The following NTRK2 variants were observed in gnomAD, a reference collection of about 807,000 sequenced individuals.
NTRK2 encodes BDNF/NT-3 growth factors receptor.
Under a neutral mutation model 94.5 loss-of-function variants are expected in NTRK2, and 13 were observed. The ratio of observed to expected loss-of-function variants is 0.14; its 90% CI spans 0.09 to 0.22. NTRK2 has a LOEUF of 0.22. Ranked by LOEUF, NTRK2 falls within the 10% of genes least tolerant of loss-of-function variation. NTRK2 has a pLI of 1.00. For missense variants in NTRK2, 639 were observed against 1,071.2 expected (o/e 0.60, Z 5.63); for synonymous variants, 372 against 407.4 (o/e 0.91, Z 1.05).
intron 14 of NTRK2, among the ~76,000 whole-genome samples, chr9:84,931,142 C>G (rs1019063903): frequency 2.0e-5 from 3 of 152,190 alleles, no homozygotes; most frequent in African/African-American, 7.2e-5. Flanking sequence ...CACGGTGGCT[C>G]ACACCTGTAA....
At chr9:85,004,035 G>GAAAGAAAGAAAAGAA (rs1564542151) in intron 17 of NTRK2, among the ~76,000 whole-genome samples, 1 of 69,378 alleles carries the variant, frequency 1.4e-5, no homozygotes, top group Non-Finnish European at 2.8e-5. Flanking sequence ...GAAAGAAAGA[G>GAAAGAAAGAAAAGAA]AGAAAGAAAG....
intron 11 of NTRK2, among the ~76,000 whole-genome samples, chr9:84,749,896 C>A (rs868415682): frequency 6.6e-6 from 1 of 152,186 alleles, no homozygotes; most frequent in Non-Finnish European, 1.5e-5. Flanking sequence ...GCTGCAGTAA[C>A]AAAACCTCCA....
At chr9:84,813,253 A>C in intron 12 of NTRK2, 1 of 1,045,360 alleles carries the variant, frequency 9.6e-7, no homozygotes, top group Non-Finnish European at 1.2e-6. Flanking sequence ...CACTGTCCCC[A>C]GCCGCAGCCA....
chr9:84,806,811 T>C (rs1429182490), intron 12 of NTRK2, among the ~76,000 whole-genome samples: 1 of 152,252 alleles, frequency 6.6e-6, no homozygotes, highest in African/African-American at 2.4e-5. Context: ...CACTTTGTGA[T>C]GGAAAGTTTT....
At chr9:84,729,494 A>G (rs1319474038) in intron 9 of NTRK2, among the ~76,000 whole-genome samples, 1 of 152,180 alleles carries the variant, frequency 6.6e-6, no homozygotes, top group Non-Finnish European at 1.5e-5. Context: ...ATCCAGAGAC[A>G]CTGATTTAGG....
intron 15 of NTRK2, among the ~76,000 whole-genome samples, chr9:84,934,726 G>T (rs905724225): frequency 3.3e-5 from 5 of 152,110 alleles, no homozygotes; most frequent in Admixed American, 3.3e-4. Context: ...TCCCCTCTCA[G>T]CCTCTGTGCC....
At chr9:84,775,847 AC>A (rs1564244983) in intron 12 of NTRK2, among the ~76,000 whole-genome samples, 1 of 152,168 alleles carries the variant, frequency 6.6e-6, no homozygotes, top group Non-Finnish European at 1.5e-5. Flanking sequence ...TCCCAGACCT[AC>A]TGAATTCAAA....
intron 17 of NTRK2, among the ~76,000 whole-genome samples, chr9:84,965,973 G>A (rs994987479): frequency 6.6e-5 from 10 of 152,142 alleles, no homozygotes; most frequent in African/African-American, 2.2e-4. Flanking sequence ...CTACAGAGAC[G>A]TGAAAAACAC....
intron 14 of NTRK2, among the ~76,000 whole-genome samples, chr9:84,909,635 T>C (rs1200244683): frequency 6.6e-6 from 1 of 152,176 alleles, no homozygotes; most frequent in East Asian, 1.9e-4. Context: ...CTGATAGGTA[T>C]GTAAGATGTC....
At chr9:84,948,000 C>A in intron 15 of NTRK2, among the ~76,000 whole-genome samples, 1 of 152,216 alleles carries the variant, frequency 6.6e-6, no homozygotes, top group East Asian at 1.9e-4. Context: ...CTGTGCAGTG[C>A]TACATAAAGA....
chr9:85,000,746 A>G (rs1001404211), intron 17 of NTRK2, among the ~76,000 whole-genome samples: 2 of 152,260 alleles, frequency 1.3e-5, no homozygotes, highest in Non-Finnish European at 2.9e-5. Flanking sequence ...TTCTGTGGAC[A>G]TAAGTTTTCA....
intron 14 of NTRK2, among the ~76,000 whole-genome samples, chr9:84,907,435 C>T (rs2077104585): frequency 6.6e-6 from 1 of 152,180 alleles, no homozygotes; most frequent in Non-Finnish European, 1.5e-5. Context: ...CTTTGGTTCC[C>T]TATTATTACC....
intron 2 of NTRK2, among the ~76,000 whole-genome samples, chr9:84,673,712 C>T (rs984423634): frequency 5.9e-5 from 9 of 152,116 alleles, no homozygotes; most frequent in African/African-American, 2.2e-4. Flanking sequence ...TTTTTACATG[C>T]ATGCTTTCAG....
At chr9:84,808,904 A>T (rs1234181820) in intron 12 of NTRK2, among the ~76,000 whole-genome samples, 1 of 152,178 alleles carries the variant, frequency 6.6e-6, no homozygotes. Context: ...GGCAGACCAG[A>T]CACCAGGTGG....
At chr9:84,815,211 A>G (rs1227139232) in intron 12 of NTRK2, 1 of 1,056,416 alleles carries the variant, frequency 9.5e-7, no homozygotes, top group African/African-American at 1.6e-5. Flanking sequence ...AATTCAGGCT[A>G]GTGTTGCAGT....
intron 12 of NTRK2, among the ~76,000 whole-genome samples, chr9:84,834,048 G>A (rs1313780846): frequency 6.6e-6 from 1 of 152,126 alleles, no homozygotes. Flanking sequence ...TGTGTCTGTG[G>A]TGTTATACTG....
chr9:84,872,175 A>T (rs559513072), intron 14 of NTRK2: 4 of 1,165,712 alleles, frequency 3.4e-6, no homozygotes, highest in Non-Finnish European at 4.3e-6. Context: ...ACCTGACAGC[A>T]CGGGGTGGTT....
At chr9:84,946,737 T>C (rs2078610619) in intron 15 of NTRK2, among the ~76,000 whole-genome samples, 1 of 152,236 alleles carries the variant, frequency 6.6e-6, no homozygotes. Context: ...ATTTCAGTTC[T>C]GGTGGTCAGA....
intron 2 of NTRK2, among the ~76,000 whole-genome samples, chr9:84,690,547 A>G (rs2059985802): frequency 1.0e-5 from 1 of 97,660 alleles, no homozygotes; most frequent in African/African-American, 3.5e-5. Context: ...ATAATTTATT[A>G]CAAAAAAAAA....
Sources: gnomAD v4.1 joint callset for allele counts (sites outside exome capture counted in the v4.1 genomes callset) on GRCh38, gnomAD v4.1.1 for gene constraint, MANE v1.5 for transcripts, NCBI Gene and HGNC (gene_info 2026-07-23, HGNC 2026-07-21) for gene names.